Variants in STT3B observed in about 807,000 individuals in gnomAD.
STT3B encodes the protein STT3 oligosaccharyltransferase complex catalytic subunit B, also known as dolichyl-diphosphooligosaccharide--protein glycosyltransferase subunit STT3B.
A neutral mutation model predicts 96.8 loss-of-function variants in STT3B; 29 were observed. That is an observed-to-expected ratio of 0.30 (90% CI 0.22 to 0.41). The LOEUF (loss-of-function observed/expected upper bound fraction) is 0.41. STT3B is among the 10% of genes least tolerant of loss of function. The pLI is 1.00. For synonymous variants in STT3B, 367 were observed against 360.0 expected (o/e 1.02, Z -0.22); for missense variants, 640 against 1,022.3 (o/e 0.63, Z 5.10).
intron 1 of STT3B, among the ~76,000 whole-genome samples, chr3:31,564,302 A>G (rs1697949476): frequency 1.3e-5 from 2 of 152,318 alleles, no homozygotes; most frequent in South Asian, 2.1e-4. Flanking sequence ...GCTTTAACAC[A>G]TATTTTATTA....
intron 1 of STT3B, among the ~76,000 whole-genome samples, chr3:31,555,441 G>A (rs1385578892): frequency 6.6e-6 from 1 of 152,120 alleles, no homozygotes; most frequent in East Asian, 1.9e-4. Flanking sequence ...ACTGTTAGAT[G>A]TTGATACACT....
intron 3 of STT3B, among the ~76,000 whole-genome samples, chr3:31,587,868 G>A (rs1698578223): frequency 6.6e-6 from 1 of 152,068 alleles, no homozygotes; most frequent in African/African-American, 2.4e-5. Context: ...TGTCACCAAG[G>A]ATGCTGAACT....
chr3:31,554,299 A>G (rs1182520674), intron 1 of STT3B, among the ~76,000 whole-genome samples: 1 of 152,196 alleles, frequency 6.6e-6, no homozygotes, highest in African/African-American at 2.4e-5. Context: ...CCAATGGAAA[A>G]AATGAGCCTT....
intron 5 of STT3B, among the ~76,000 whole-genome samples, chr3:31,601,055 C>G (rs1310671652): frequency 2.6e-5 from 4 of 152,022 alleles, no homozygotes; most frequent in African/African-American, 7.2e-5. Flanking sequence ...TAAAATAATA[C>G]AATTCTATTA....
intron 5 of STT3B, among the ~76,000 whole-genome samples, chr3:31,613,439 T>G (rs1481238032): frequency 6.6e-6 from 1 of 152,100 alleles, no homozygotes; most frequent in East Asian, 1.9e-4. Context: ...TAGTTGTGCC[T>G]TTGTGTGTTC....
intron 5 of STT3B, among the ~76,000 whole-genome samples, chr3:31,608,174 G>GCAGA (rs1432317023): frequency 6.6e-6 from 1 of 152,136 alleles, no homozygotes; most frequent in East Asian, 1.9e-4. Flanking sequence ...TGAGCCAAGA[G>GCAGA]CAGACAGGCA....
chr3:31,629,151 T>G, intron 13 of STT3B, 147 bp from the exon 14 acceptor site: 1 of 601,976 alleles, frequency 1.7e-6, no homozygotes, highest in South Asian at 2.0e-5. Context: ...CGAAGTCTGG[T>G]GGGATTAATT....
chr3:31,552,433 T>C (rs1424409993), intron 1 of STT3B, among the ~76,000 whole-genome samples: 1 of 152,184 alleles, frequency 6.6e-6, no homozygotes, highest in Non-Finnish European at 1.5e-5. Context: ...GAGCTTATAA[T>C]AGGGAGATAA....
intron 5 of STT3B, among the ~76,000 whole-genome samples, chr3:31,612,290 C>T (rs1241293989): frequency 6.6e-6 from 1 of 152,162 alleles, no homozygotes; most frequent in African/African-American, 2.4e-5. Context: ...ATGTAAACAT[C>T]TCAGGTTCAG....
intron 2 of STT3B, among the ~76,000 whole-genome samples, chr3:31,577,471 CAT>C (rs1698288866): frequency 1.3e-5 from 2 of 152,064 alleles, no homozygotes; most frequent in African/African-American, 4.8e-5. Context: ...TAATTTCAAA[CAT>C]AAGGGGATTA....
intron 1 of STT3B, among the ~76,000 whole-genome samples, chr3:31,565,970 A>G (rs1697994233): frequency 6.6e-6 from 1 of 152,216 alleles, no homozygotes; most frequent in Non-Finnish European, 1.5e-5. Context: ...TTTTAAACAT[A>G]TATAGATATA....
intron 1 of STT3B, among the ~76,000 whole-genome samples, chr3:31,534,507 T>C (rs1031646239): frequency 1.1e-4 from 16 of 152,236 alleles, no homozygotes; most frequent in Non-Finnish European, 1.8e-4. Context: ...CAGTTAGACC[T>C]AATTAAATTT....
In STT3B at chr3:31,579,938, A is replaced by G. The variant is rs771842134; in HGVS notation, c.553A>G (p.Thr185Ala). 4 of 1,613,826 alleles carry G rather than the reference A, an allele frequency of 2.5e-6. No individual in the cohort carries two copies. The highest frequency in any genetic ancestry group is 3.4e-6 in the Non-Finnish European group (4 of 1,179,848). ...PTFSGLTSIS[T>A]FLLTRELWNQ... ...TTTTAGCGGCCTTACATCTATATCT[A>G]CTTTCCTGCTTACAAGAGAACTTTG... Residue 185 changes from threonine (T) to alanine (A), a missense_variant, in exon 3 of 16, where the codon ACT (threonine) becomes GCT (alanine). Thr to Ala is a moderately conservative substitution (Grantham distance 58). Around this residue, in one of 8 missense-constraint regions of STT3B, gnomAD observed 267 missense variants for 388.3 expected, o/e 0.69. Transcript: ENST00000295770.
chr3:31,552,517 CT>C (rs140404963), intron 1 of STT3B, among the ~76,000 whole-genome samples: 4,230 of 151,512 alleles, frequency 0.028, 180 homozygotes, highest in African/African-American at 0.093. Flanking sequence ...GCTTTCTTAC[CT>C]TTTTTTTTAA....
At chr3:31,611,770 T>C (rs2125469904) in intron 5 of STT3B, among the ~76,000 whole-genome samples, 1 of 152,294 alleles carries the variant, frequency 6.6e-6, no homozygotes, top group East Asian at 1.9e-4. Context: ...GTGCTAGGAT[T>C]ACAGGTGTGA....
intron 1 of STT3B, among the ~76,000 whole-genome samples, chr3:31,542,134 G>A (rs994521045): frequency 1.3e-5 from 2 of 152,138 alleles, no homozygotes; most frequent in African/African-American, 4.8e-5. Context: ...GAAAGTGGGT[G>A]GGAGAGAAGA....
At chr3:31,633,526 ATGT>A (rs1699703736) in intron 15 of STT3B, among the ~76,000 whole-genome samples, 12 of 152,148 alleles carry the variant, frequency 7.9e-5, no homozygotes, top group Admixed American at 7.9e-4. Flanking sequence ...TCTTAGTATG[ATGT>A]TACTCTATTA....
At chr3:31,600,814 A>G (rs977926794) in intron 5 of STT3B, among the ~76,000 whole-genome samples, 1 of 152,166 alleles carries the variant, frequency 6.6e-6, no homozygotes, top group Admixed American at 6.5e-5. Context: ...CAAAGTAAGC[A>G]GCTTAATAAG....
intron 1 of STT3B, among the ~76,000 whole-genome samples, chr3:31,550,811 A>G (rs146789562): frequency 8.0e-4 from 121 of 150,974 alleles, no homozygotes; most frequent in African/African-American, 2.9e-3. Flanking sequence ...TTTTTTTTCC[A>G]TGTGTTACTT....
Sources: allele counts gnomAD v4.1 joint callset (sites outside exome capture counted in the v4.1 genomes callset), GRCh38; gene constraint gnomAD v4.1.1; regional missense constraint gnomAD v4.1.1; transcripts MANE v1.5; gene names NCBI Gene and HGNC (gene_info 2026-07-23, HGNC 2026-07-21).